Variants in TTC28 observed in about 807,000 individuals in gnomAD.
TTC28 encodes the protein tetratricopeptide repeat protein 28.
In TTC28, 61 loss-of-function variants were observed where a neutral mutation model predicts 198.0. That is an observed-to-expected ratio of 0.31 (90% CI 0.25 to 0.38). The LOEUF (loss-of-function observed/expected upper bound fraction) is 0.38. Ranked by LOEUF, TTC28 falls within the 10% of genes least tolerant of loss-of-function variation. TTC28 has a pLI of 1.00. For synonymous variants in TTC28, 1,171 were observed against 1,297.8 expected, an observed-to-expected ratio of 0.90 and a Z score of 2.10; for missense variants, 2,678 against 3,164.0, an observed-to-expected ratio of 0.85 and a Z score of 3.69.
chr22:28,114,513 T>C (rs568561640), intron 6 of TTC28, among the ~76,000 whole-genome samples: 3 of 152,306 alleles, frequency 2.0e-5, no homozygotes, highest in Admixed American at 6.5e-5. Context: ...CAGGTGACTA[T>C]TTATTAATAT....
chr22:28,107,343 G>A lies in TTC28; in HGVS notation c.2502C>T (p.Ala834=), dbSNP rs1335714736. The A allele has an allele frequency of 1.9e-6, 3 of 1,551,776 alleles. No homozygotes were observed. The highest frequency in any genetic ancestry group is 4.9e-5 in the East Asian group (2 of 40,930). Residue 834 remains alanine (A), a synonymous_variant, in exon 7 of 23, where the codon GCC becomes GCT. Coordinates refer to ENST00000397906, the MANE Select transcript of TTC28 (RefSeq NM_001145418.2). The part of the protein sequence containing the change: ...GQKLKDPSLE[A]QVYGNMGITK... ...TGATGCCCATGTTGCCATAGACCTG[G>A]GCTTCCAGACTCGGATCCTTCAGCT...
intron 5 of TTC28, among the ~76,000 whole-genome samples, chr22:28,194,081 A>ACTGT (rs1925155344): frequency 6.6e-6 from 1 of 150,624 alleles, no homozygotes; most frequent in Non-Finnish European, 1.5e-5. Context: ...ATTATAACAA[A>ACTGT]CTCTCAGACC....
intron 2 of TTC28, among the ~76,000 whole-genome samples, chr22:28,314,106 T>C (rs1003586056): frequency 9.2e-5 from 14 of 152,220 alleles, no homozygotes; most frequent in Middle Eastern, 3.4e-3. Flanking sequence ...TGAACTCCCA[T>C]TCACAACTGC....
chr22:28,256,459 T>C (rs1265596411), intron 5 of TTC28, among the ~76,000 whole-genome samples: 2 of 149,490 alleles, frequency 1.3e-5, no homozygotes, highest in Admixed American at 1.3e-4. Flanking sequence ...CTTGAACATA[T>C]GTACAGGCTG....
At chr22:28,033,980 G>A (rs944467144) in intron 12 of TTC28, among the ~76,000 whole-genome samples, 1 of 152,176 alleles carries the variant, frequency 6.6e-6, no homozygotes, top group Non-Finnish European at 1.5e-5. Context: ...TAGAAAGACT[G>A]AATGGACAAT....
chr22:28,372,787 T>C (rs565357765), intron 2 of TTC28, among the ~76,000 whole-genome samples: 36 of 152,262 alleles, frequency 2.4e-4, no homozygotes, highest in Non-Finnish European at 4.1e-4. Flanking sequence ...AGATTTGTGC[T>C]GTAGGGGAAT....
chr22:28,391,994 T>C (rs2146070600), intron 2 of TTC28, among the ~76,000 whole-genome samples: 1 of 152,328 alleles, frequency 6.6e-6, no homozygotes, highest in East Asian at 1.9e-4. Context: ...TGGTCTTTGA[T>C]GATGGTGATG....
intron 20 of TTC28, 121 bp from the exon 21 acceptor site, chr22:27,990,128 G>A (rs1937348742): frequency 1.5e-5 from 20 of 1,297,638 alleles, no homozygotes; most frequent in Non-Finnish European, 2.0e-5. Context: ...TCTCATGAGT[G>A]TAGCATTTGA....
At chr22:28,334,756 T>A (rs1349319984) in intron 2 of TTC28, among the ~76,000 whole-genome samples, 2 of 152,222 alleles carry the variant, frequency 1.3e-5, no homozygotes, top group African/African-American at 4.8e-5. Flanking sequence ...TACCCCTTTG[T>A]CAGATGAGCA....
Position 28,297,632 on chromosome 22 carries a change from T to C in TTC28, c.750A>G (p.Thr250=), listed in dbSNP as rs775564830. 99 of 1,551,626 alleles carry C rather than the reference T, an allele frequency of 6.4e-5. No individual in the cohort carries two copies. Among genetic ancestry groups the C allele is most frequent in the Non-Finnish European group, 8.4e-5 (96 of 1,147,014 alleles). ...LSSAYWSLGN[T]EKSTGYMQQD... is the part of the protein sequence containing the mutation. Reference sequence around the variant, plus strand: ...GCTGCATATATCCGGTGCTCTTCTCTGTATTTCCAAGAGACCAGTAAGCAC... The same window carrying C: ...GCTGCATATATCCGGTGCTCTTCTCCGTATTTCCAAGAGACCAGTAAGCAC... The change falls in exon 4 of 23, where the codon ACA becomes ACG. Residue 250 remains threonine (T), a synonymous_variant. Coordinates refer to ENST00000397906, the MANE Select transcript of TTC28 (RefSeq NM_001145418.2).
At chr22:28,642,823 G>A (rs954610771) in intron 1 of TTC28, among the ~76,000 whole-genome samples, 3 of 152,114 alleles carry the variant, frequency 2.0e-5, no homozygotes, top group South Asian at 2.1e-4. Context: ...ATATGTGGTC[G>A]TTTAATTTTT....
chr22:28,367,314 T>G (rs1231807084), intron 2 of TTC28, among the ~76,000 whole-genome samples: 1 of 151,516 alleles, frequency 6.6e-6, no homozygotes, highest in South Asian at 2.1e-4. Context: ...CACATGAAAA[T>G]TAAACAAAAT....
intron 12 of TTC28, among the ~76,000 whole-genome samples, chr22:28,037,949 A>T (rs892736789): frequency 6.6e-5 from 10 of 152,136 alleles, no homozygotes; most frequent in African/African-American, 9.7e-5. Context: ...TACCTAGGAA[A>T]ACAACTTACA....
intron 5 of TTC28, among the ~76,000 whole-genome samples, chr22:28,281,458 T>C (rs2044581150): frequency 6.6e-6 from 1 of 152,208 alleles, no homozygotes; most frequent in Non-Finnish European, 1.5e-5. Flanking sequence ...TATTTCTCTG[T>C]TGAGATTTCC....
intron 5 of TTC28, among the ~76,000 whole-genome samples, chr22:28,241,729 T>C (rs928677199): frequency 1.3e-5 from 2 of 152,108 alleles, no homozygotes; most frequent in Admixed American, 6.6e-5. Context: ...TTCGGAATTA[T>C]ATAAAAATAA....
chr22:28,435,522 T>C (rs184218038), intron 2 of TTC28, among the ~76,000 whole-genome samples: 19 of 152,346 alleles, frequency 1.2e-4, no homozygotes, highest in Admixed American at 1.2e-3. Flanking sequence ...GAATTCACTG[T>C]AGAAGCTAAA....
At chr22:28,196,997 A>G (rs1925416116) in intron 5 of TTC28, among the ~76,000 whole-genome samples, 1 of 152,132 alleles carries the variant, frequency 6.6e-6, no homozygotes, top group African/African-American at 2.4e-5. Flanking sequence ...CACTATTCAC[A>G]ATAGCAAAGA....
chr22:28,586,483 T>C (rs193033664), intron 2 of TTC28, among the ~76,000 whole-genome samples: 98 of 152,102 alleles, frequency 6.4e-4, no homozygotes, highest in Admixed American at 9.2e-4. Flanking sequence ...TATGGAAAGA[T>C]AGACATCAAG....
chr22:28,471,070 A>G (rs1052649935), intron 2 of TTC28, among the ~76,000 whole-genome samples: 1 of 152,212 alleles, frequency 6.6e-6, no homozygotes, highest in Non-Finnish European at 1.5e-5. Flanking sequence ...AAAGCAGTCC[A>G]TTTTCAACAA....
Sources: allele counts gnomAD v4.1 joint callset (sites outside exome capture counted in the v4.1 genomes callset), GRCh38; gene constraint gnomAD v4.1.1; transcripts MANE v1.5; gene names NCBI Gene and HGNC (gene_info 2026-07-23, HGNC 2026-07-21).